The following SEMA3A variants were observed in gnomAD, a reference collection of about 807,000 sequenced individuals.
SEMA3A encodes semaphorin 3A.
Under a neutral mutation model 97.9 loss-of-function variants are expected in SEMA3A, and 29 were observed. That is an observed-to-expected ratio of 0.30 (90% CI 0.22 to 0.40). The LOEUF is 0.40. Among genes scored for constraint, SEMA3A ranks in the 10% least tolerant of loss-of-function variants. SEMA3A has a pLI of 1.00. For missense variants in SEMA3A, 763 were observed against 951.3 expected, an observed-to-expected ratio of 0.80 and a Z score of 2.60; for synonymous variants, 321 against 323.7, an observed-to-expected ratio of 0.99 and a Z score of 0.09.
chr7:84,246,611 A>G (rs1034316482), intron 3 of SEMA3A, among the ~76,000 whole-genome samples: 9 of 152,144 alleles, frequency 5.9e-5, no homozygotes, highest in African/African-American at 2.2e-4. Flanking sequence ...ATAAATGCAA[A>G]TGAACTAATA....
intron 3 of SEMA3A, among the ~76,000 whole-genome samples, chr7:84,254,873 CA>C (rs1349675629): frequency 6.6e-6 from 1 of 152,014 alleles, no homozygotes; most frequent in Non-Finnish European, 1.5e-5. Flanking sequence ...ACATATGAAC[CA>C]AAAGACATTT....
At chr7:84,002,556 G>A (rs1425920321) in intron 11 of SEMA3A, among the ~76,000 whole-genome samples, 2 of 152,202 alleles carry the variant, frequency 1.3e-5, no homozygotes, top group African/African-American at 4.8e-5. Context: ...AAGGGAAGTA[G>A]TCAGAGCTTC....
chr7:84,384,494 T>TTATGTTAG (rs1803350751), intron 1 of SEMA3A, among the ~76,000 whole-genome samples: 1 of 152,190 alleles, frequency 6.6e-6, no homozygotes, highest in African/African-American at 2.4e-5. Context: ...AAAGGTTTTT[T>TTATGTTAG]TATATAGTAA....
At chr7:84,205,109 T>C (rs1798457095) in intron 3 of SEMA3A, among the ~76,000 whole-genome samples, 1 of 152,214 alleles carries the variant, frequency 6.6e-6, no homozygotes, top group Non-Finnish European at 1.5e-5. Context: ...CAAATTATTT[T>C]CCCAGATAAG....
At chr7:84,386,393 C>A (rs117058451) in intron 1 of SEMA3A, among the ~76,000 whole-genome samples, 1 of 152,120 alleles carries the variant, frequency 6.6e-6, no homozygotes. Context: ...GTAACCACAG[C>A]AGGGAGGGAG....
intron 4 of SEMA3A, among the ~76,000 whole-genome samples, chr7:84,092,357 C>T (rs1431525466): frequency 6.6e-6 from 1 of 152,068 alleles, no homozygotes; most frequent in East Asian, 1.9e-4. Context: ...TGTGTACATA[C>T]GAATGCCTTT....
intron 12 of SEMA3A, among the ~76,000 whole-genome samples, chr7:83,986,231 G>A (rs534417429): frequency 6.6e-6 from 1 of 152,210 alleles, no homozygotes; most frequent in East Asian, 1.9e-4. Flanking sequence ...AGCTGACAAG[G>A]ACTACAAGAG....
intron 3 of SEMA3A, among the ~76,000 whole-genome samples, chr7:84,239,744 T>C (rs76020665): frequency 0.032 from 4,874 of 152,216 alleles, 91 homozygotes; most frequent in South Asian, 0.046. Flanking sequence ...AACCACATAC[T>C]AATTTTTACC....
chr7:84,289,302 A>C (rs913464955), intron 3 of SEMA3A, among the ~76,000 whole-genome samples: 2 of 152,116 alleles, frequency 1.3e-5, no homozygotes, highest in Non-Finnish European at 2.9e-5. Flanking sequence ...GTTCTATAGC[A>C]CAGCACGGTG....
At chr7:84,412,596 A>T (rs980315311) in intron 1 of SEMA3A, among the ~76,000 whole-genome samples, 1 of 152,210 alleles carries the variant, frequency 6.6e-6, no homozygotes, top group African/African-American at 2.4e-5. Flanking sequence ...GATCATTTAC[A>T]AAGAAGGATC....
intron 11 of SEMA3A, 34 bp downstream of exon 11, chr7:84,005,305 G>A: frequency 6.6e-7 from 1 of 1,506,092 alleles, no homozygotes; most frequent in Non-Finnish European, 9.2e-7. Context: ...ATAGTGTTCG[G>A]AAAAAAGTTT....
rs535804687 is a variant in SEMA3A, at chr7:84,091,445, C to T, written c.453+19025G>A. Among the ~76,000 whole-genome samples, 6 of 152,020 alleles carry T rather than the reference C, an allele frequency of 3.9e-5. No individual in the cohort carries two copies. In the South Asian group the frequency reaches 1.2e-3, roughly 32 times the overall value. On this transcript the variant is annotated intron_variant, in intron 4 of 16. Coordinates refer to ENST00000265362, the MANE Select transcript of SEMA3A (RefSeq NM_006080.3). Reference sequence around the variant, plus strand: ...AAAATATTTTATATTTCACATCTAACATAAAGAGTAAATGCCAAACTAAAA... The same window carrying T: ...AAAATATTTTATATTTCACATCTAATATAAAGAGTAAATGCCAAACTAAAA...
chr7:84,396,505 G>GA (rs1175362575), intron 1 of SEMA3A, among the ~76,000 whole-genome samples: 1 of 151,900 alleles, frequency 6.6e-6, no homozygotes. Context: ...ACGGAAGATA[G>GA]AAGGCACTGT....
chr7:84,142,639 A>G (rs545849317), intron 1 of SEMA3A, among the ~76,000 whole-genome samples: 1 of 152,288 alleles, frequency 6.6e-6, no homozygotes, highest in Non-Finnish European at 1.5e-5. Flanking sequence ...TTTAGCTAAC[A>G]GCTCTTGCAT....
At chr7:84,013,947 T>C (rs1790989290) in intron 7 of SEMA3A, among the ~76,000 whole-genome samples, 1 of 152,216 alleles carries the variant, frequency 6.6e-6, no homozygotes, top group Non-Finnish European at 1.5e-5. Context: ...AACCATTTTG[T>C]TACTGTAGAA....
chr7:84,159,037 A>C (rs79066193), intron 1 of SEMA3A, among the ~76,000 whole-genome samples: 4 of 151,924 alleles, frequency 2.6e-5, no homozygotes, highest in African/African-American at 7.3e-5. Flanking sequence ...AAAAAAAAAA[A>C]CCTTCATGTT....
At chr7:84,224,500 G>A (rs1287439711) in intron 3 of SEMA3A, among the ~76,000 whole-genome samples, 1 of 151,864 alleles carries the variant, frequency 6.6e-6, no homozygotes, top group Non-Finnish European at 1.5e-5. Context: ...CTCTATTTAT[G>A]TTTTAAAAAA....
intron 1 of SEMA3A, among the ~76,000 whole-genome samples, chr7:84,407,774 A>T (rs1328807371): frequency 6.6e-6 from 1 of 152,176 alleles, no homozygotes; most frequent in African/African-American, 2.4e-5. Context: ...GACAAACCTG[A>T]CAAAAACGAG....
At chr7:84,389,911 G>T (rs1360493857) in intron 1 of SEMA3A, among the ~76,000 whole-genome samples, 2 of 152,072 alleles carry the variant, frequency 1.3e-5, no homozygotes, top group African/African-American at 4.8e-5. Context: ...GAAAGAGACA[G>T]ATAAGTGATA....
Sources: allele counts gnomAD v4.1 joint callset (sites outside exome capture counted in the v4.1 genomes callset), GRCh38; gene constraint gnomAD v4.1.1; transcripts MANE v1.5; gene names NCBI Gene and HGNC (gene_info 2026-07-23, HGNC 2026-07-21).